DPP10: variants seen among roughly 807,000 people sequenced by gnomAD.
The protein encoded by DPP10 is inactive dipeptidyl peptidase 10.
In DPP10, 33 loss-of-function variants were observed where a neutral mutation model predicts 120.9. The observed-to-expected ratio is 0.27, with a 90% CI of 0.21 to 0.37. The LOEUF (loss-of-function observed/expected upper bound fraction) is 0.37. DPP10 is among the 10% of genes least tolerant of loss of function. The pLI is 1.00. For missense variants in DPP10, 816 were observed against 942.8 expected, an observed-to-expected ratio of 0.87 and a Z score of 1.76; for synonymous variants, 337 against 326.1, an observed-to-expected ratio of 1.03 and a Z score of -0.36.
At chr2:115,133,119 G>A (rs2050445579) in intron 1 of DPP10, among the ~76,000 whole-genome samples, 1 of 49,812 alleles carries the variant, frequency 2.0e-5, no homozygotes, top group Admixed American at 2.5e-4. Context: ...ATATGTATGT[G>A]TGTGTGTGTG....
At chr2:115,595,248 C>CT (rs895882768) in intron 5 of DPP10, among the ~76,000 whole-genome samples, 1 of 151,960 alleles carries the variant, frequency 6.6e-6, no homozygotes, top group East Asian at 1.9e-4. Context: ...TTTCTCTTCC[C>CT]TTTTTTTGCA....
intron 5 of DPP10, among the ~76,000 whole-genome samples, chr2:115,567,981 G>T (rs910315089): frequency 1.3e-5 from 2 of 151,346 alleles, no homozygotes; most frequent in Non-Finnish European, 2.9e-5. Flanking sequence ...TTCCAGACAA[G>T]CCTGGCCAAC....
At chr2:114,597,154 C>T (rs1691981320) in intron 1 of DPP10, among the ~76,000 whole-genome samples, 1 of 152,088 alleles carries the variant, frequency 6.6e-6, no homozygotes, top group Middle Eastern at 3.4e-3. Context: ...AGAGTAAAGA[C>T]AATGGCATTC....
chr2:115,637,626 TA>T (rs1200308942), intron 5 of DPP10, among the ~76,000 whole-genome samples: 1 of 152,160 alleles, frequency 6.6e-6, no homozygotes, highest in African/African-American at 2.4e-5. Flanking sequence ...CAATTATAAA[TA>T]AAAGTTATTT....
At chr2:115,641,699 C>T (rs1316198778) in intron 5 of DPP10, among the ~76,000 whole-genome samples, 1 of 152,158 alleles carries the variant, frequency 6.6e-6, no homozygotes, top group Non-Finnish European at 1.5e-5. Context: ...AGAAGAATGC[C>T]TGTCAGATAC....
At chr2:115,273,939 G>T (rs748387607) in intron 1 of DPP10, among the ~76,000 whole-genome samples, 1 of 152,112 alleles carries the variant, frequency 6.6e-6, no homozygotes, top group African/African-American at 2.4e-5. Flanking sequence ...TAGCCCACTC[G>T]TAGCCGTCTT....
intron 3 of DPP10, among the ~76,000 whole-genome samples, chr2:115,384,070 T>C (rs1255051611): frequency 1.3e-5 from 2 of 152,240 alleles, no homozygotes. Flanking sequence ...TTTGGCATGC[T>C]GAGCAGTTTA....
At chr2:115,253,704 T>C (rs1338189652) in intron 1 of DPP10, among the ~76,000 whole-genome samples, 3 of 152,226 alleles carry the variant, frequency 2.0e-5, no homozygotes, top group African/African-American at 7.2e-5. Context: ...CAAGGCACAC[T>C]GCTGCAAGGG....
rs59818254 is a variant in DPP10 at position 114,931,893 on chromosome 2, A to G, written c.61-377346A>G. ...AACTTTTTCACATAAGTGTACTCCAATTGTTGCATGGGACATAATTATACA... is the reference window on the plus strand; with the variant it reads ...AACTTTTTCACATAAGTGTACTCCAGTTGTTGCATGGGACATAATTATACA... On this transcript the variant is annotated intron_variant, in intron 1 of 25. Transcript: ENST00000410059. Among the ~76,000 whole-genome samples, 1,124 of 152,360 alleles carry G rather than the reference A, an allele frequency of 7.4e-3. 15 individuals are homozygous for G. The highest frequency in any genetic ancestry group is 0.025 in the African/African-American group (1,055 of 41,586).
At chr2:114,511,860 G>A (rs1374421085) in intron 1 of DPP10, among the ~76,000 whole-genome samples, 1 of 152,162 alleles carries the variant, frequency 6.6e-6, no homozygotes, top group Non-Finnish European at 1.5e-5. Context: ...ACTTCCTCCA[G>A]GCATACATTG....
At chr2:115,443,913 C>T (rs993634427) in intron 3 of DPP10, among the ~76,000 whole-genome samples, 2 of 152,164 alleles carry the variant, frequency 1.3e-5, no homozygotes, top group African/African-American at 4.8e-5. Context: ...CATTCCTGGC[C>T]TCTAACCATT....
intron 1 of DPP10, among the ~76,000 whole-genome samples, chr2:115,061,944 TG>T (rs1366713219): frequency 2.6e-5 from 4 of 152,084 alleles, no homozygotes; most frequent in Admixed American, 6.6e-5. Flanking sequence ...CAGTTAAAAT[TG>T]TTTTTTTTCC....
At chr2:115,338,354 A>G (rs1230245995) in intron 2 of DPP10, among the ~76,000 whole-genome samples, 1 of 152,178 alleles carries the variant, frequency 6.6e-6, no homozygotes, top group Non-Finnish European at 1.5e-5. Context: ...ATATGTTTAT[A>G]TAAAAGAGTC....
chr2:115,359,723 A>T (rs1046128402), intron 3 of DPP10, among the ~76,000 whole-genome samples: 3 of 151,340 alleles, frequency 2.0e-5, no homozygotes, highest in Admixed American at 2.0e-4. Flanking sequence ...CAAGTTGCTT[A>T]CTCTCTTTCT....
intron 1 of DPP10, among the ~76,000 whole-genome samples, chr2:115,148,831 CCTCT>C (rs1306817618): frequency 6.6e-6 from 1 of 152,140 alleles, no homozygotes; most frequent in Non-Finnish European, 1.5e-5. Context: ...CATTCTCTGT[CCTCT>C]CTGTCTCCAA....
chr2:115,369,570 G>C (rs1055550583), intron 3 of DPP10, among the ~76,000 whole-genome samples: 2 of 152,068 alleles, frequency 1.3e-5, no homozygotes, highest in African/African-American at 4.8e-5. Context: ...AATATTTCCA[G>C]TAAAATGTTT....
chr2:115,340,755 T>A (rs958480278), intron 2 of DPP10, among the ~76,000 whole-genome samples: 19 of 151,574 alleles, frequency 1.3e-4, no homozygotes, highest in Non-Finnish European at 1.6e-4. Flanking sequence ...TAAAAGAAAT[T>A]TATATATATA....
At chr2:114,683,065 T>G (rs1437038156) in intron 1 of DPP10, among the ~76,000 whole-genome samples, 1 of 151,986 alleles carries the variant, frequency 6.6e-6, no homozygotes, top group African/African-American at 2.4e-5. Context: ...ATGTGTCTTA[T>G]GGACCAGACA....
At chr2:114,503,616 A>G (rs1003519111) in intron 1 of DPP10, among the ~76,000 whole-genome samples, 8 of 152,204 alleles carry the variant, frequency 5.3e-5, no homozygotes, top group African/African-American at 1.9e-4. Context: ...CACGGTCCCA[A>G]ACAATATGTT....
Sources: allele counts gnomAD v4.1 joint callset (sites outside exome capture counted in the v4.1 genomes callset), GRCh38; gene constraint gnomAD v4.1.1; transcripts MANE v1.5; gene names NCBI Gene and HGNC (gene_info 2026-07-23, HGNC 2026-07-21).